LARGE1: variants seen among roughly 807,000 people sequenced by gnomAD.
The protein encoded by LARGE1 is xylosyl- and glucuronyltransferase LARGE1.
A neutral mutation model predicts 87.6 loss-of-function variants in LARGE1; 43 were observed. The observed-to-expected ratio is 0.49, with a 90% confidence interval of 0.38 to 0.63. LARGE1 has a LOEUF of 0.63. LARGE1 is among the 30% of genes least tolerant of loss of function. The pLI, the probability that LARGE1 is intolerant of heterozygous loss-of-function variation, is 0.00. For synonymous variants in LARGE1, 434 were observed against 394.6 expected (o/e 1.10, Z -1.18); for missense variants, 802 against 1,000.2 (o/e 0.80, Z 2.67).
intron 11 of LARGE1, among the ~76,000 whole-genome samples, chr22:33,173,534 G>A (rs1922694103): frequency 6.6e-6 from 1 of 151,958 alleles, no homozygotes; most frequent in African/African-American, 2.4e-5. Flanking sequence ...CCAATTAAAA[G>A]ACACAGATGA....
At chr22:33,354,210 A>G (rs1405147958) in intron 9 of LARGE1, among the ~76,000 whole-genome samples, 1 of 152,252 alleles carries the variant, frequency 6.6e-6, no homozygotes, top group East Asian at 1.9e-4. Flanking sequence ...GAAACAGGAT[A>G]GAGCTTTTAG....
In LARGE1 at chr22:33,475,132, A is replaced by T. The variant is rs930428120; in HGVS notation, c.788-42867T>A. Among the ~76,000 whole-genome samples, 6 of 152,152 alleles carry T rather than the reference A, an allele frequency of 3.9e-5. No homozygotes were observed. In the East Asian group the frequency reaches 1.2e-3, roughly 29 times the overall value. ...GAACAGAGTCTTTGTGTTTAATATG[A>T]GGGGTTTAGAAGCTTTTTCAGGAAT... On this transcript the variant is annotated intron_variant, in intron 6 of 14. Coordinates refer to ENST00000397394, the MANE Select transcript of LARGE1 (RefSeq NM_133642.5).
chr22:33,645,571 A>G (rs1602947544), intron 3 of LARGE1, among the ~76,000 whole-genome samples: 1 of 152,250 alleles, frequency 6.6e-6, no homozygotes, highest in African/African-American at 2.4e-5. Flanking sequence ...AGCAGTGGCA[A>G]CAAAAGCCAA....
intron 1 of LARGE1, among the ~76,000 whole-genome samples, chr22:33,860,398 A>G (rs1480237980): frequency 1.3e-5 from 2 of 152,306 alleles, no homozygotes; most frequent in South Asian, 4.1e-4. Flanking sequence ...CTGGCATACC[A>G]TAGATGTTCA....
Position 33,761,550 on chromosome 22 carries a change from T to C in LARGE1, c.-74A>G, listed in dbSNP as rs2084730835. On this transcript the variant is annotated 5_prime_UTR_variant, in exon 2 of 15. The change abolishes an upstream ATG in the 5' untranslated region. Transcript: ENST00000397394. ...AGCATGAAGTCCTCGGCCTCCCTCATAATACTCTCTGAAAGGAAGAGCAAA... is the reference window on the plus strand; with the variant it reads ...AGCATGAAGTCCTCGGCCTCCCTCACAATACTCTCTGAAAGGAAGAGCAAA... 1.1e-5 allele frequency: 13 copies of C among 1,142,792 alleles called. No homozygotes were observed. Among genetic ancestry groups the C allele is most frequent in the Non-Finnish European group, 1.3e-5 (10 of 755,332 alleles). The allele number at this position is 1,142,792 out of a possible 1,614,324, so 70.8% of individuals were successfully genotyped here.
intron 4 of LARGE1, among the ~76,000 whole-genome samples, chr22:33,621,856 G>A (rs1050605807): frequency 6.6e-6 from 1 of 152,176 alleles, no homozygotes; most frequent in Non-Finnish European, 1.5e-5. Context: ...AAACGCACCT[G>A]ACAGCAATAA....
At chr22:33,075,674 G>A in the LARGE1 span, among the ~76,000 whole-genome samples, 1 of 152,190 alleles carries the variant, frequency 6.6e-6, no homozygotes, top group Admixed American at 6.5e-5. Context: ...ACTCAATGAA[G>A]ACTTCTTTGA....
chr22:33,770,691 A>C (rs896403755), intron 1 of LARGE1, among the ~76,000 whole-genome samples: 1 of 152,192 alleles, frequency 6.6e-6, no homozygotes, highest in Non-Finnish European at 1.5e-5. Flanking sequence ...TCTCTAAAAA[A>C]TAGAAAATAA....
At chr22:33,233,267 G>A (rs527451137) in intron 11 of LARGE1, among the ~76,000 whole-genome samples, 3 of 152,192 alleles carry the variant, frequency 2.0e-5, no homozygotes, top group South Asian at 4.1e-4. Context: ...CAGCCTAGGT[G>A]GTGGTGGTGT....
intron 9 of LARGE1, among the ~76,000 whole-genome samples, chr22:33,367,716 C>G (rs5998898): frequency 1.3e-5 from 2 of 152,146 alleles, no homozygotes; most frequent in Non-Finnish European, 2.9e-5. Flanking sequence ...CATGAGTCAC[C>G]AGGCCCGGCC....
At chr22:33,122,705 A>G in the LARGE1 span, among the ~76,000 whole-genome samples, 4 of 152,130 alleles carry the variant, frequency 2.6e-5, no homozygotes, top group African/African-American at 9.7e-5. Flanking sequence ...TGATATTGGC[A>G]TGTCATGCCA....
intron 7 of LARGE1, among the ~76,000 whole-genome samples, chr22:33,401,332 G>A (rs958071898): frequency 6.6e-6 from 1 of 152,142 alleles, no homozygotes; most frequent in African/African-American, 2.4e-5. Context: ...GGTCAGACGG[G>A]TGACCAATGT....
rs538071730 is a variant in LARGE1 at position 33,623,583 on chromosome 22, C to T, written c.491+2661G>A. Among the ~76,000 whole-genome samples, 6 of 151,714 alleles carry T rather than the reference C, an allele frequency of 4.0e-5. 1 individual carries two copies. The highest frequency in any genetic ancestry group is 4.2e-4 in the South Asian group (2 of 4,800). ...CTAACTTGCCAGCTTGCTGCAGGCA[C>T]GTAAGTGGCCCAGCAGAAGAACCGT... On this transcript the variant is annotated intron_variant, in intron 4 of 14. Coordinates refer to ENST00000397394, the MANE Select transcript of LARGE1 (RefSeq NM_133642.5).
At chr22:33,682,901 C>T (rs1174891404) in intron 2 of LARGE1, among the ~76,000 whole-genome samples, 1 of 152,174 alleles carries the variant, frequency 6.6e-6, no homozygotes, top group African/African-American at 2.4e-5. Flanking sequence ...AGCCAGTGGT[C>T]CCATCCCAAG....
intron 1 of LARGE1, among the ~76,000 whole-genome samples, chr22:33,769,220 C>T (rs944790935): frequency 1.3e-5 from 2 of 152,192 alleles, no homozygotes; most frequent in African/African-American, 4.8e-5. Context: ...AAACTTCCCC[C>T]ACAAGTGAAT....
chr22:33,075,062 G>C, the LARGE1 span, among the ~76,000 whole-genome samples: 2 of 152,146 alleles, frequency 1.3e-5, no homozygotes, highest in African/African-American at 4.8e-5. Context: ...ATTTAAATGC[G>C]TACCAGTGTT....
chr22:33,420,911 G>T (rs1005716379), intron 7 of LARGE1, among the ~76,000 whole-genome samples: 1 of 152,184 alleles, frequency 6.6e-6, no homozygotes. Context: ...AGGAAGGCTG[G>T]GCGCGGTGGC....
At chr22:33,881,195 C>T (rs942665708) in intron 1 of LARGE1, among the ~76,000 whole-genome samples, 7 of 152,126 alleles carry the variant, frequency 4.6e-5, no homozygotes, top group Non-Finnish European at 7.3e-5. Context: ...AACACAGTTA[C>T]GAGCCCCCCG....
At chr22:33,166,785 G>C (rs1327830906) in exon 12 of LARGE1, 1 of 471,472 alleles carries the variant, frequency 2.1e-6, no homozygotes, top group Non-Finnish European at 4.4e-6. Context: ...GTTTGGAACT[G>C]TCGTCTTGCA....
Sources: gnomAD v4.1 joint callset for allele counts (sites outside exome capture counted in the v4.1 genomes callset) on GRCh38, gnomAD v4.1.1 for gene constraint, MANE v1.5 for transcripts, NCBI Gene and HGNC (gene_info 2026-07-23, HGNC 2026-07-21) for gene names.